Variants in GULP1 observed in about 807,000 individuals in gnomAD.
GULP1 encodes the protein PTB domain-containing engulfment adapter protein 1.
In GULP1, 19 loss-of-function variants were observed where a neutral mutation model predicts 40.9. The observed-to-expected ratio is 0.46, with a 90% CI of 0.32 to 0.68. GULP1 has a LOEUF of 0.68. Among genes scored for constraint, GULP1 ranks in the 30% least tolerant of loss-of-function variants. The pLI is 0.03. For missense variants in GULP1, 312 were observed against 362.2 expected, an observed-to-expected ratio of 0.86 and a Z score of 1.12; for synonymous variants, 119 against 117.6, an observed-to-expected ratio of 1.01 and a Z score of -0.08.
chr2:188,454,189 C>T (rs900962361), intron 2 of GULP1, among the ~76,000 whole-genome samples: 17 of 152,164 alleles, frequency 1.1e-4, no homozygotes, highest in African/African-American at 2.7e-4. Context: ...ACAATTTCAA[C>T]GGTGAGGATG....
chr2:188,509,365 T>A (rs1333724542), intron 4 of GULP1, among the ~76,000 whole-genome samples: 1 of 152,170 alleles, frequency 6.6e-6, no homozygotes, highest in Non-Finnish European at 1.5e-5. Context: ...TGCTTTGACC[T>A]TCATAGCACA....
At chr2:188,364,623 G>C (rs1198385066) in intron 1 of GULP1, among the ~76,000 whole-genome samples, 1 of 151,902 alleles carries the variant, frequency 6.6e-6, no homozygotes, top group Non-Finnish European at 1.5e-5. Flanking sequence ...TTATCAAAGA[G>C]GGGAGATGAG....
At chr2:188,356,127 G>A (rs1029677624) in intron 1 of GULP1, among the ~76,000 whole-genome samples, 2 of 152,002 alleles carry the variant, frequency 1.3e-5, no homozygotes, top group Non-Finnish European at 2.9e-5. Context: ...AGTACTGGAA[G>A]AAGACAAAGA....
intron 1 of GULP1, among the ~76,000 whole-genome samples, chr2:188,381,909 A>G (rs1236453532): frequency 6.6e-6 from 1 of 152,240 alleles, no homozygotes; most frequent in Non-Finnish European, 1.5e-5. Context: ...TCATTCATAC[A>G]TGCTAAGATC....
intron 2 of GULP1, among the ~76,000 whole-genome samples, chr2:188,400,923 T>TTG (rs61060931): frequency 0.058 from 8,081 of 139,506 alleles, 276 homozygotes; most frequent in African/African-American, 0.092. Flanking sequence ...AGTGGTGTGT[T>TTG]TGTGTGTGTG....
At chr2:188,399,640 G>C (rs1362895389) in intron 2 of GULP1, among the ~76,000 whole-genome samples, 1 of 133,276 alleles carries the variant, frequency 7.5e-6, no homozygotes. Context: ...GATTGCTTGA[G>C]GCCAGAACTT....
intron 1 of GULP1, among the ~76,000 whole-genome samples, chr2:188,358,425 A>C (rs2045651025): frequency 6.6e-6 from 1 of 152,138 alleles, no homozygotes. Flanking sequence ...GCTTTTTAGC[A>C]CTGTAGGGTG....
At chr2:188,546,323 C>G (rs1691957671) in intron 7 of GULP1, among the ~76,000 whole-genome samples, 1 of 151,730 alleles carries the variant, frequency 6.6e-6, no homozygotes, top group South Asian at 2.1e-4. Flanking sequence ...ACATCCTGGA[C>G]CATAAAATAA....
chr2:188,513,680 A>G (rs972456407), intron 4 of GULP1, among the ~76,000 whole-genome samples: 12 of 152,122 alleles, frequency 7.9e-5, no homozygotes, highest in African/African-American at 2.9e-4. Context: ...AAATAAACAG[A>G]AAAACCTTGT....
At chr2:188,439,791 G>GA (rs1006256838) in intron 2 of GULP1, among the ~76,000 whole-genome samples, 2 of 151,006 alleles carry the variant, frequency 1.3e-5, no homozygotes, top group East Asian at 3.9e-4. Flanking sequence ...TTTTCATCAT[G>GA]AAAAAAATCA....
At chr2:188,455,074 G>C (rs1486544713) in intron 2 of GULP1, among the ~76,000 whole-genome samples, 2 of 152,146 alleles carry the variant, frequency 1.3e-5, no homozygotes, top group African/African-American at 2.4e-5. Flanking sequence ...TGAGGTTGCA[G>C]TGAGTTATGA....
At chr2:188,568,439 G>A (rs1162915445) in intron 7 of GULP1, among the ~76,000 whole-genome samples, 3 of 152,166 alleles carry the variant, frequency 2.0e-5, no homozygotes, top group Non-Finnish European at 4.4e-5. Flanking sequence ...TATGAATGGA[G>A]AAGAAATGAG....
chr2:188,461,318 C>CTT (rs549518354), intron 2 of GULP1, among the ~76,000 whole-genome samples: 54 of 122,908 alleles, frequency 4.4e-4, no homozygotes, highest in African/African-American at 9.8e-4. Flanking sequence ...TACTGGTAAG[C>CTT]TTTTTTTTTT....
At chr2:188,548,297 C>T (rs1692508720) in intron 7 of GULP1, among the ~76,000 whole-genome samples, 1 of 151,972 alleles carries the variant, frequency 6.6e-6, no homozygotes, top group South Asian at 2.1e-4. Flanking sequence ...AATTAACATA[C>T]ATGGATCAAT....
chr2:188,302,843 T>G (rs2036376973), intron 1 of GULP1, among the ~76,000 whole-genome samples: 1 of 152,194 alleles, frequency 6.6e-6, no homozygotes, highest in Non-Finnish European at 1.5e-5. Context: ...AGATGATATC[T>G]CATCACCCTA....
chr2:188,362,977 GA>G (rs1479779231), intron 1 of GULP1, among the ~76,000 whole-genome samples: 1 of 151,644 alleles, frequency 6.6e-6, no homozygotes, highest in Non-Finnish European at 1.5e-5. Flanking sequence ...TTTTAAAAAA[GA>G]AAAAAATATG....
At chr2:188,319,314 C>T (rs577219753) in intron 1 of GULP1, among the ~76,000 whole-genome samples, 1 of 152,222 alleles carries the variant, frequency 6.6e-6, no homozygotes, top group East Asian at 1.9e-4. Context: ...TTCATGGCCC[C>T]CTTACACCCA....
At chr2:188,551,415 A>G (rs745592592) in intron 7 of GULP1, among the ~76,000 whole-genome samples, 55 of 151,914 alleles carry the variant, frequency 3.6e-4, no homozygotes, top group Non-Finnish European at 6.8e-4. Context: ...AAATAAGAGC[A>G]TGCAATATTT....
At chr2:188,434,847 T>C (rs2057254526) in intron 2 of GULP1, among the ~76,000 whole-genome samples, 1 of 152,042 alleles carries the variant, frequency 6.6e-6, no homozygotes, top group Non-Finnish European at 1.5e-5. Flanking sequence ...TGACAATTTT[T>C]GTATGCTTTC....
Sources: gnomAD v4.1 joint callset for allele counts (sites outside exome capture counted in the v4.1 genomes callset) on GRCh38, gnomAD v4.1.1 for gene constraint, MANE v1.5 for transcripts, NCBI Gene and HGNC (gene_info 2026-07-23, HGNC 2026-07-21) for gene names.